Variants in ENTREP2 observed in about 807,000 individuals in gnomAD.
The protein encoded by ENTREP2 is protein ENTREP2.
At chr15:29,455,628 CAT>C in the ENTREP2 span, among the ~76,000 whole-genome samples, 1 of 152,228 alleles carries the variant, frequency 6.6e-6, no homozygotes, top group African/African-American at 2.4e-5. Flanking sequence ...CTTGTTTTCA[CAT>C]ATTAGAATCC....
the ENTREP2 span, among the ~76,000 whole-genome samples, chr15:29,221,746 C>T: frequency 1.3e-5 from 2 of 152,106 alleles, no homozygotes; most frequent in Middle Eastern, 3.2e-3. Context: ...TAGAGCTCCA[C>T]TTTGCTGACA....
chr15:29,511,661 T>C, the ENTREP2 span, among the ~76,000 whole-genome samples: 1 of 151,772 alleles, frequency 6.6e-6, no homozygotes, highest in Non-Finnish European at 1.5e-5. Flanking sequence ...GGCCTGCAAG[T>C]ATCCTGGCCT....
At chr15:29,504,658 C>A in the ENTREP2 span, among the ~76,000 whole-genome samples, 1 of 152,174 alleles carries the variant, frequency 6.6e-6, no homozygotes, top group East Asian at 1.9e-4. Context: ...ACTCTCTGAC[C>A]TTTTCTATTT....
the ENTREP2 span, among the ~76,000 whole-genome samples, chr15:29,490,499 C>T: frequency 6.6e-6 from 1 of 152,296 alleles, no homozygotes; most frequent in Non-Finnish European, 1.5e-5. Context: ...AGAGAGCTGA[C>T]TGGTCCATTT....
the ENTREP2 span, among the ~76,000 whole-genome samples, chr15:29,543,964 A>G: frequency 6.6e-6 from 1 of 151,866 alleles, no homozygotes; most frequent in Non-Finnish European, 1.5e-5. Context: ...AACTTTTACT[A>G]GAGCTGTTTA....
the ENTREP2 span, chr15:29,121,020 G>GGC: frequency 8.5e-5 from 13 of 152,366 alleles, no homozygotes; most frequent in Non-Finnish European, 1.5e-5. Context: ...GGCTGATGGG[G>GGC]GCACCCCACC....
chr15:29,346,178 G>A, the ENTREP2 span, among the ~76,000 whole-genome samples: 1 of 152,176 alleles, frequency 6.6e-6, no homozygotes, highest in African/African-American at 2.4e-5. Flanking sequence ...AAATCAGGGA[G>A]GGCAAGGGCA....
the ENTREP2 span, among the ~76,000 whole-genome samples, chr15:29,301,181 C>T: frequency 6.6e-6 from 1 of 152,122 alleles, no homozygotes; most frequent in East Asian, 1.9e-4. Context: ...CTATTTAAAA[C>T]AGTTTTTCTT....
At chr15:29,231,092 C>T in the ENTREP2 span, among the ~76,000 whole-genome samples, 1 of 152,058 alleles carries the variant, frequency 6.6e-6, no homozygotes, top group African/African-American at 2.4e-5. Context: ...GTTCCTAGTA[C>T]TTTAAAAGTT....
the ENTREP2 span, among the ~76,000 whole-genome samples, chr15:29,276,546 C>A: frequency 6.6e-6 from 1 of 152,200 alleles, no homozygotes; most frequent in Non-Finnish European, 1.5e-5. Context: ...CAGACAGATT[C>A]TCGCCCCTCT....
the ENTREP2 span, among the ~76,000 whole-genome samples, chr15:29,285,340 T>G: frequency 6.6e-6 from 1 of 152,182 alleles, no homozygotes; most frequent in African/African-American, 2.4e-5. Context: ...TCAACCTCTC[T>G]CAGGACTTCC....
chr15:29,275,640 C>G, the ENTREP2 span, among the ~76,000 whole-genome samples: 1 of 152,214 alleles, frequency 6.6e-6, no homozygotes, highest in African/African-American at 2.4e-5. Context: ...ACAAATTGCT[C>G]TTTAGATGTT....
the ENTREP2 span, among the ~76,000 whole-genome samples, chr15:29,336,482 T>C: frequency 6.6e-6 from 1 of 152,026 alleles, no homozygotes; most frequent in Non-Finnish European, 1.5e-5. Flanking sequence ...AGCTAAATTT[T>C]ATTTTTTTAG....
the ENTREP2 span, among the ~76,000 whole-genome samples, chr15:29,203,691 AACTT>A: frequency 6.6e-6 from 1 of 152,300 alleles, no homozygotes; most frequent in East Asian, 1.9e-4. Flanking sequence ...AGATCACTAA[AACTT>A]ACTCCAATCT....
At chr15:29,395,585 T>G in the ENTREP2 span, among the ~76,000 whole-genome samples, 18 of 151,462 alleles carry the variant, frequency 1.2e-4, no homozygotes, top group Admixed American at 4.6e-4. Context: ...TGGAGTGCAG[T>G]GACGTGATCA....
chr15:29,438,253 G>T, the ENTREP2 span, among the ~76,000 whole-genome samples: 1 of 152,190 alleles, frequency 6.6e-6, no homozygotes, highest in South Asian at 2.1e-4. Context: ...CACATAGCAG[G>T]CCTCCACAAA....
At chr15:29,284,883 CA>C in the ENTREP2 span, among the ~76,000 whole-genome samples, 1 of 152,242 alleles carries the variant, frequency 6.6e-6, no homozygotes, top group South Asian at 2.1e-4. Flanking sequence ...TCTTCATGCA[CA>C]ATGGTAACGT....
chr15:29,507,374 C>A, the ENTREP2 span, among the ~76,000 whole-genome samples: 287 of 152,298 alleles, frequency 1.9e-3, 2 homozygotes, highest in Middle Eastern at 0.01. Flanking sequence ...CAAGGATATT[C>A]AGGACTTGAA....
the ENTREP2 span, among the ~76,000 whole-genome samples, chr15:29,359,856 T>C: frequency 6.6e-6 from 1 of 152,228 alleles, no homozygotes; most frequent in Non-Finnish European, 1.5e-5. Flanking sequence ...TTTGATTAAA[T>C]ACACATGAAA....
Sources: gnomAD v4.1 joint callset for allele counts (sites outside exome capture counted in the v4.1 genomes callset) on GRCh38, gnomAD v4.1.1 for gene constraint, MANE v1.5 for transcripts, NCBI Gene and HGNC (gene_info 2026-07-23, HGNC 2026-07-21) for gene names.